Variants in KCTD5 observed in about 807,000 individuals in gnomAD.
The protein encoded by KCTD5 is BTB/POZ domain-containing protein KCTD5.
A neutral mutation model predicts 27.9 loss-of-function variants in KCTD5; 12 were observed. The ratio of observed to expected loss-of-function variants is 0.43; its 90% confidence interval spans 0.28 to 0.70. KCTD5 has a LOEUF of 0.70. Ranked by LOEUF, KCTD5 falls within the 30% of genes least tolerant of loss-of-function variation. The pLI, the probability that KCTD5 is intolerant of heterozygous loss-of-function variation, is 0.19. For synonymous variants in KCTD5, 147 were observed against 121.4 expected, an observed-to-expected ratio of 1.21 and a Z score of -1.39; for missense variants, 226 against 274.8, an observed-to-expected ratio of 0.82 and a Z score of 1.26.
At chr16:2,697,002 C>G (rs2067589207) in intron 2 of KCTD5, among the ~76,000 whole-genome samples, 1 of 152,250 alleles carries the variant, frequency 6.6e-6, no homozygotes, top group South Asian at 2.1e-4. Context: ...TAGACACAGA[C>G]CAAGGCCCTG....
At chr16:2,690,757 T>A (rs2067562892) in intron 1 of KCTD5, among the ~76,000 whole-genome samples, 1 of 152,212 alleles carries the variant, frequency 6.6e-6, no homozygotes, top group Non-Finnish European at 1.5e-5. Context: ...CTGATGGCCT[T>A]ACGGGCAGCA....
intron 4 of KCTD5, 46 bp downstream of exon 4, chr16:2,699,962 C>G: frequency 6.5e-7 from 1 of 1,546,304 alleles, no homozygotes; most frequent in Non-Finnish European, 8.9e-7. Flanking sequence ...TGCAGCTGAA[C>G]TTGTGCTCAC....
At chr16:2,701,202 C>T (rs992619018) in intron 4 of KCTD5, among the ~76,000 whole-genome samples, 1 of 152,254 alleles carries the variant, frequency 6.6e-6, no homozygotes, top group Non-Finnish European at 1.5e-5. Context: ...GACCTTAGCA[C>T]TTCTGGGTGG....
rs186772243 is a variant in KCTD5, at chr16:2,699,098, C to T, written c.454-723C>T. 2.0e-5 allele frequency: 9 copies of T among 455,516 alleles called. No homozygotes were observed. In the East Asian group the frequency reaches 6.3e-4, roughly 32 times the overall value. The allele number at this position is 455,516 out of a possible 1,614,324, so 28.2% of individuals were successfully genotyped here. A position where few individuals can be genotyped will look rare whatever the true frequency, so the allele number is the denominator to read the frequency against. ...CAGGCATCCCTGGCATGAGTCACCA[C>T]CTTAAGGTCAGGGACCCAGGACCTC... is the stretch of plus-strand genomic sequence containing the variant. On this transcript the variant is annotated intron_variant, in intron 3 of 5. Coordinates refer to ENST00000301738, the MANE Select transcript of KCTD5 (RefSeq NM_018992.4).
chr16:2,686,946 C>A (rs980760496), intron 1 of KCTD5, among the ~76,000 whole-genome samples: 1 of 152,168 alleles, frequency 6.6e-6, no homozygotes, highest in Admixed American at 6.5e-5. Flanking sequence ...CAGTTTGAGG[C>A]CGTTAGTGGG....
At chr16:2,686,967 G>A (rs111675802) in intron 1 of KCTD5, among the ~76,000 whole-genome samples, 7,157 of 152,232 alleles carry the variant, frequency 0.047, 543 homozygotes, top group African/African-American at 0.16. Context: ...TGTCTGCGAC[G>A]CTGATGGACT....
chr16:2,696,767 C>A (rs367794885), intron 2 of KCTD5, among the ~76,000 whole-genome samples: 4 of 152,382 alleles, frequency 2.6e-5, no homozygotes, highest in African/African-American at 7.2e-5. Flanking sequence ...CTGCCTCCTC[C>A]GAGTTCACGC....
chr16:2,689,575 C>T (rs2067556041), intron 1 of KCTD5, among the ~76,000 whole-genome samples: 2 of 148,278 alleles, frequency 1.3e-5, no homozygotes, highest in South Asian at 2.2e-4. Flanking sequence ...CTTTGCAGAG[C>T]TCTGGGAGCT....
rs1487245578 is a variant in KCTD5 at position 2,707,973 on chromosome 16, C to G, written c.*646C>G. The G allele has an allele frequency of 6.4e-6, 1 of 155,352 alleles. No homozygotes were observed. The highest frequency in any genetic ancestry group is 2.4e-5 in the African/African-American group (1 of 41,530). 9.6% of individuals were successfully genotyped at this position (155,352 alleles called of 1,614,324 possible). A position where few individuals can be genotyped will look rare whatever the true frequency, so the allele number is the denominator to read the frequency against. On this transcript the variant is annotated 3_prime_UTR_variant, in exon 6 of 6. Transcript: ENST00000301738. ...GGCTTCTCAATTTGTATTTTCCAGG[C>G]AAGAGAACTTTGTACCCCTTCTCTG...
intron 1 of KCTD5, among the ~76,000 whole-genome samples, chr16:2,688,354 A>G (rs893440314): frequency 2.0e-5 from 3 of 151,242 alleles, no homozygotes; most frequent in South Asian, 2.1e-4. Flanking sequence ...GGGTTCAAGC[A>G]TTTCTCCTGC....
In KCTD5 at chr16:2,704,316, G is replaced by A. The variant is rs113810303; in HGVS notation, c.675+1838G>A. On this transcript the variant is annotated intron_variant, in intron 5 of 5. Transcript: ENST00000301738. ...ACCCCTGGCTGGGCTGCGCAGGGCC[G>A]CATGGGCTGTGGGCCCTCGTCGCTG... 7.3e-3 allele frequency among the ~76,000 whole-genome samples: 1,112 copies of A among 152,350 alleles called. 13 individuals carry two copies. The highest frequency in any genetic ancestry group is 0.025 in the African/African-American group (1,049 of 41,580).
At chr16:2,699,164 T>C in intron 3 of KCTD5, 1 of 456,148 alleles carries the variant, frequency 2.2e-6, no homozygotes, top group Non-Finnish European at 4.4e-6. Flanking sequence ...CAGCCCCGTC[T>C]GCAGCCTGAG....
chr16:2,700,428 C>T (rs1436591572), intron 4 of KCTD5, among the ~76,000 whole-genome samples: 2 of 152,214 alleles, frequency 1.3e-5, no homozygotes, highest in Non-Finnish European at 2.9e-5. Flanking sequence ...CTGTGCAGGG[C>T]ATGCCTTCTT....
chr16:2,684,773 AAAAAT>A (rs1567192438), intron 1 of KCTD5: 1 of 151,918 alleles, frequency 6.6e-6, no homozygotes, highest in Non-Finnish European at 1.5e-5. Context: ...ACAAAAAAAA[AAAAAT>A]AAAAAAAAAA....
At chr16:2,693,006 A>G (rs1596222160) in intron 1 of KCTD5, among the ~76,000 whole-genome samples, 1 of 152,180 alleles carries the variant, frequency 6.6e-6, no homozygotes, top group Admixed American at 6.5e-5. Context: ...GGTGGGGCGA[A>G]CCCCAGGGCT....
chr16:2,686,906 A>G (rs1391763518), intron 1 of KCTD5, among the ~76,000 whole-genome samples: 2 of 152,224 alleles, frequency 1.3e-5, no homozygotes, highest in Admixed American at 1.3e-4. Context: ...TGTTCTGTGT[A>G]GCCAGCACTG....
chr16:2,690,802 C>G (rs1444662054), intron 1 of KCTD5, among the ~76,000 whole-genome samples: 3 of 152,262 alleles, frequency 2.0e-5, no homozygotes, highest in Non-Finnish European at 4.4e-5. Context: ...AGACGCTGTT[C>G]TAAACCTCCC....
At chr16:2,692,375 C>T (rs2067570298) in intron 1 of KCTD5, among the ~76,000 whole-genome samples, 1 of 152,198 alleles carries the variant, frequency 6.6e-6, no homozygotes, top group Non-Finnish European at 1.5e-5. Context: ...GTGGGGGCAG[C>T]TCCTCTCTGT....
chr16:2,700,558 C>T (rs1328858410), intron 4 of KCTD5, among the ~76,000 whole-genome samples: 1 of 152,206 alleles, frequency 6.6e-6, no homozygotes, highest in Admixed American at 6.5e-5. Flanking sequence ...GGCCCTTGCC[C>T]ACGACCTGGC....
Sources: allele counts gnomAD v4.1 joint callset (sites outside exome capture counted in the v4.1 genomes callset), GRCh38; gene constraint gnomAD v4.1.1; transcripts MANE v1.5; gene names NCBI Gene and HGNC (gene_info 2026-07-23, HGNC 2026-07-21).